The following TYW1B variants were observed in gnomAD, a reference collection of about 807,000 sequenced individuals.
TYW1B encodes tRNA-yW synthesizing protein 1 homolog B, also known as S-adenosyl-L-methionine-dependent tRNA 4-demethylwyosine synthase TYW1B.
Under a neutral mutation model 86.9 loss-of-function variants are expected in TYW1B, and 73 were observed. That is an observed-to-expected ratio of 0.84 (90% confidence interval 0.70 to 1.02). The LOEUF (loss-of-function observed/expected upper bound fraction) is 1.02. Among genes scored for constraint, TYW1B ranks in the 50% least tolerant of loss-of-function variants. The probability of loss-of-function intolerance (pLI) is 0.00; values close to 1 mark genes in which losing one functional copy is unlikely to be tolerated. For missense variants in TYW1B, 637 were observed against 827.4 expected, an observed-to-expected ratio of 0.77 and a Z score of 2.82; for synonymous variants, 248 against 292.8, an observed-to-expected ratio of 0.85 and a Z score of 1.56.
At chr7:72,708,079 T>C (rs1554453997) in intron 10 of TYW1B, among the ~76,000 whole-genome samples, 2 of 152,172 alleles carry the variant, frequency 1.3e-5, no homozygotes, top group Admixed American at 1.3e-4. Flanking sequence ...TTAAACCTCT[T>C]TTCTTCACAA....
At chr7:72,734,821 A>C (rs1554460650) in intron 8 of TYW1B, among the ~76,000 whole-genome samples, 1 of 126,244 alleles carries the variant, frequency 7.9e-6, no homozygotes, top group Non-Finnish European at 1.7e-5. Context: ...GACATTTCTC[A>C]AAAGAACATA....
intron 7 of TYW1B, among the ~76,000 whole-genome samples, chr7:72,751,230 G>T (rs1185684620): frequency 6.6e-6 from 1 of 152,064 alleles, no homozygotes; most frequent in African/African-American, 2.4e-5. Flanking sequence ...TGGAGATGGG[G>T]TTTCACCATG....
chr7:72,658,401 A>G (rs1813256056), intron 11 of TYW1B, among the ~76,000 whole-genome samples: 1 of 152,236 alleles, frequency 6.6e-6, no homozygotes, highest in Non-Finnish European at 1.5e-5. Flanking sequence ...AGCAACTTGT[A>G]GGCAGTATGC....
At chr7:72,775,205 T>C (rs1413997006) in intron 7 of TYW1B, among the ~76,000 whole-genome samples, 1 of 152,082 alleles carries the variant, frequency 6.6e-6, no homozygotes, top group Non-Finnish European at 1.5e-5. Flanking sequence ...CATATATAAC[T>C]GTAGTCTTCT....
chr7:72,805,052 T>G (rs1563099962), intron 5 of TYW1B, among the ~76,000 whole-genome samples: 2 of 152,028 alleles, frequency 1.3e-5, no homozygotes, highest in Admixed American at 1.3e-4. Context: ...AAAGTTATCT[T>G]GAACACTGCA....
At chr7:72,608,938 C>T (rs1162241891) in intron 13 of TYW1B, among the ~76,000 whole-genome samples, 6 of 152,288 alleles carry the variant, frequency 3.9e-5, no homozygotes, top group South Asian at 4.1e-4. Flanking sequence ...ACACACAAAA[C>T]GGCACAGAAC....
chr7:72,707,445 G>A (rs781812658), intron 10 of TYW1B, among the ~76,000 whole-genome samples: 1 of 152,238 alleles, frequency 6.6e-6, no homozygotes, highest in East Asian at 1.9e-4. Context: ...GTTAGTTTGA[G>A]ATGGGTGGTT....
intron 10 of TYW1B, among the ~76,000 whole-genome samples, chr7:72,709,484 G>C (rs373392852): frequency 1.4e-5 from 2 of 147,138 alleles, no homozygotes; most frequent in African/African-American, 5.0e-5. Flanking sequence ...CTGCTAACAC[G>C]GTGAAACCCC....
Position 72,728,821 on chromosome 7 carries a change from C to T in TYW1B, c.1192+1G>A. On this transcript the variant is annotated splice_donor_variant, in intron 9 of 13. Transcript: ENST00000620995. LOFTEE classifies it high-confidence loss of function. ...TTCCTCTGTAGAGGGAAGATAAATA[C>T]CTTTAAACTGCTTAATCATGTTCTG... The T allele has an allele frequency of 6.2e-7, 1 of 1,612,236 alleles. No individual in the cohort carries two copies. The highest frequency in any genetic ancestry group is 1.3e-5 in the African/African-American group (1 of 75,012).
chr7:72,602,883 CACAAT>C, intron 13 of TYW1B, among the ~76,000 whole-genome samples: 1 of 132,106 alleles, frequency 7.6e-6, no homozygotes, highest in African/African-American at 2.7e-5. Flanking sequence ...CACACACACA[CACAAT>C]GTTGATGGGG....
At chr7:72,824,245 T>C (rs1554481067) in intron 2 of TYW1B, among the ~76,000 whole-genome samples, 1 of 152,112 alleles carries the variant, frequency 6.6e-6, no homozygotes, top group Admixed American at 6.6e-5. Flanking sequence ...CAGACCTTGA[T>C]TTTTCCTCTA....
intron 13 of TYW1B, among the ~76,000 whole-genome samples, chr7:72,584,022 C>G (rs1811216624): frequency 6.6e-6 from 1 of 152,190 alleles, no homozygotes; most frequent in African/African-American, 2.4e-5. Flanking sequence ...AAATATTTCT[C>G]AAGGAAACGG....
chr7:72,761,564 C>A (rs1289588145), intron 7 of TYW1B, among the ~76,000 whole-genome samples: 1 of 147,984 alleles, frequency 6.8e-6, no homozygotes, highest in African/African-American at 2.5e-5. Context: ...GCACTCCAGT[C>A]TGGCTGACAG....
At chr7:72,798,008 T>TACAC (rs1245165473) in intron 6 of TYW1B, among the ~76,000 whole-genome samples, 249 of 58,828 alleles carry the variant, frequency 4.2e-3, no homozygotes, top group Middle Eastern at 0.019. Context: ...TATTTATATA[T>TACAC]ATACACACAC....
At chr7:72,790,120 T>A (rs1255606058) in intron 6 of TYW1B, among the ~76,000 whole-genome samples, 2 of 151,740 alleles carry the variant, frequency 1.3e-5, no homozygotes, top group African/African-American at 4.8e-5. Context: ...GCTAATTTTT[T>A]TTTTTTTATT....
At chr7:72,665,331 T>TG (rs1554445073) in intron 11 of TYW1B, among the ~76,000 whole-genome samples, 1 of 152,232 alleles carries the variant, frequency 6.6e-6, no homozygotes, top group Non-Finnish European at 1.5e-5. Context: ...GAAAGTCGTC[T>TG]GTTCAATGTC....
At chr7:72,815,320 T>C (rs1434600647) in intron 3 of TYW1B, 60 bp downstream of exon 3, 32 of 1,394,060 alleles carry the variant, frequency 2.3e-5, no homozygotes, top group Non-Finnish European at 3.0e-5. Flanking sequence ...AAATTTACTG[T>C]GAAGATTGCA....
chr7:72,806,281 G>C (rs1245660633), intron 5 of TYW1B, among the ~76,000 whole-genome samples: 1 of 150,202 alleles, frequency 6.7e-6, no homozygotes, highest in Non-Finnish European at 1.5e-5. Flanking sequence ...TGTCACCCAG[G>C]CTGGAGTGCA....
chr7:72,817,772 T>G (rs1244513211), intron 2 of TYW1B, among the ~76,000 whole-genome samples: 1 of 152,172 alleles, frequency 6.6e-6, no homozygotes, highest in African/African-American at 2.4e-5. Flanking sequence ...TCCTTGGGTT[T>G]TTATTAAGCT....
Sources: allele counts gnomAD v4.1 joint callset (sites outside exome capture counted in the v4.1 genomes callset), GRCh38; gene constraint gnomAD v4.1.1; transcripts MANE v1.5; gene names NCBI Gene and HGNC (gene_info 2026-07-23, HGNC 2026-07-21).